The following NLRP6 variants were observed in gnomAD, a reference collection of about 807,000 sequenced individuals.
The protein encoded by NLRP6 is NACHT, LRR and PYD domains-containing protein 6.
Under a neutral mutation model 70.9 loss-of-function variants are expected in NLRP6, and 55 were observed. The ratio of observed to expected loss-of-function variants is 0.78; its 90% CI spans 0.62 to 0.97. The LOEUF (loss-of-function observed/expected upper bound fraction) is 0.97, where lower values mean the gene tolerates loss of function less well. NLRP6 is among the 50% of genes least tolerant of loss of function. The pLI is 0.00. For missense variants in NLRP6, 1,241 were observed against 1,238.3 expected, an observed-to-expected ratio of 1.00 and a Z score of -0.03; for synonymous variants, 652 against 581.9, an observed-to-expected ratio of 1.12 and a Z score of -1.73.
At position 285,355 on chromosome 11, in the gene NLRP6, A is replaced by G. The variant is rs1845543981; in HGVS notation, c.*51A>G. The G allele has an allele frequency of 8.9e-6, 14 of 1,580,760 alleles. No individual in the cohort carries two copies. Among genetic ancestry groups the G allele is most frequent in the Non-Finnish European group, 1.2e-5 (14 of 1,159,186 alleles). On this transcript the variant is annotated 3_prime_UTR_variant, in exon 8 of 8. Coordinates refer to ENST00000534750, the MANE Select transcript of NLRP6 (RefSeq NM_001276700.2). ...AAGACCCTAGTCAAAGTCCCTGTGG[A>G]GAGAACGGCCCATTCCAAGGGCAGG...
In NLRP6 at chr11:280,537, T is replaced by C. The variant is rs762518755; in HGVS notation, c.803T>C (p.Leu268Pro). The C allele has an allele frequency of 2.6e-6, 4 of 1,550,890 alleles. No homozygotes were observed. The South Asian group carries it at 4.7e-5, about 18-fold the overall frequency. Reference protein sequence around the residue: ...PDRGAPVPQMLAQPQRLLFIL... With the variant: ...PDRGAPVPQMPAQPQRLLFIL... ...CGCGGCGCGCCGGTGCCGCAGATGC[T>C]GGCCCAGCCGCAGCGGCTGCTCTTC... Residue 268 changes from leucine (L) to proline (P), a missense_variant, in exon 4 of 8, where the codon CTG becomes CCG. Physicochemically the swap from Leu to Pro is moderately conservative, Grantham distance 98. Coordinates refer to ENST00000534750, the MANE Select transcript of NLRP6 (RefSeq NM_001276700.2).
intron 7 of NLRP6, 115 bp from the exon 8 acceptor site, chr11:285,051 C>G (rs1845538786): frequency 1.1e-6 from 1 of 883,304 alleles, no homozygotes; most frequent in African/African-American, 1.7e-5. Flanking sequence ...GCCCGGCCAC[C>G]CCCACGGCAC....
At chr11:279,270 GC>G in intron 1 of NLRP6, 56 bp from the exon 2 acceptor site, 20 of 1,215,930 alleles carry the variant, frequency 1.6e-5, no homozygotes, top group Admixed American at 4.3e-5. Context: ...AGAGTCGGGG[GC>G]GGGCGGGGGT....
chr11:280,108 A>C lies in NLRP6; in HGVS notation c.374A>C (p.His125Pro). The C allele has an allele frequency of 6.6e-7, 1 of 1,524,116 alleles. No homozygotes were observed. Among genetic ancestry groups the C allele is most frequent in the Non-Finnish European group, 8.8e-7 (1 of 1,136,992 alleles). The allele number at this position is 1,524,116 out of a possible 1,614,324, so 94.4% of individuals were successfully genotyped here. Residue 125 changes from histidine (H) to proline (P), a missense_variant, in exon 4 of 8, where the codon CAC (histidine) becomes CCC (proline). Physicochemically the swap from His to Pro is moderately conservative, Grantham distance 77. Transcript: ENST00000534750. Reference protein sequence around the residue: ...VSEYKKKYREHVLQLHARVKE... With the variant: ...VSEYKKKYREPVLQLHARVKE... ...GAGTACAAGAAGAAGTACCGGGAGC[A>C]CGTGCTGCAGCTGCACGCTCGGGTG...
In NLRP6 at chr11:279,485, A is replaced by G; in HGVS notation, c.188A>G (p.Asp63Gly). The part of the protein sequence containing the change: ...WGRLERADAV[D>G]LAEQLAQFYG... ...CGGCTGGAGCGCGCGGACGCCGTGGACCTCGCGGAGCAGCTGGCCCAGTTC... is the reference window on the plus strand; with the variant it reads ...CGGCTGGAGCGCGCGGACGCCGTGGGCCTCGCGGAGCAGCTGGCCCAGTTC... Residue 63 changes from aspartate (D) to glycine (G), a missense_variant, in exon 2 of 8, where the codon GAC becomes GGC. Coordinates refer to ENST00000534750, the MANE Select transcript of NLRP6 (RefSeq NM_001276700.2). The G allele has an allele frequency of 7.0e-7, 1 of 1,438,662 alleles. No individual in the cohort carries two copies. The highest frequency in any genetic ancestry group is 2.0e-4 in the Middle Eastern group (1 of 4,902). 89.1% of individuals were successfully genotyped at this position (1,438,662 alleles called of 1,614,324 possible). A position where few individuals can be genotyped will look rare whatever the true frequency, so the allele number is the denominator to read the frequency against.
chr11:279,901 G>A lies in NLRP6; in HGVS notation c.349+29G>A. ...GGTCTCTCGCTGGGGGGGCACGAGT[G>A]TCCCCAACCCCACTTGGAGGGTCCC... On this transcript the variant is annotated intron_variant, in intron 3 of 7. Transcript: ENST00000534750. The A allele has an allele frequency of 1.3e-6, 2 of 1,501,254 alleles. 1 individual carries two copies. Among genetic ancestry groups the A allele is most frequent in the South Asian group, 2.7e-5 (2 of 74,814 alleles). 93.0% of individuals were successfully genotyped at this position (1,501,254 alleles called of 1,614,324 possible).
chr11:281,312 T>C lies in NLRP6; in HGVS notation c.1578T>C (p.Val526=). 6.2e-7 allele frequency: 1 copy of C among 1,609,874 alleles called. No homozygotes were observed. Among genetic ancestry groups the C allele is most frequent in the Non-Finnish European group, 8.5e-7 (1 of 1,178,180 alleles). ...TGCCCAGGACCGCGGCTGGCGGCGTTGGGACACTCCTGCGTGGGGACGCCC... is the reference window on the plus strand; with the variant it reads ...TGCCCAGGACCGCGGCTGGCGGCGTCGGGACACTCCTGCGTGGGGACGCCC... ...GGVPRTAAGG[V]GTLLRGDAQP... The change falls in exon 4 of 8, where the codon GTT becomes GTC. Residue 526 remains valine, a synonymous_variant. Transcript: ENST00000534750.
At chr11:285,077 G>C (rs555633365) in intron 7 of NLRP6, 89 bp from the exon 8 acceptor site, 1 of 1,196,794 alleles carries the variant, frequency 8.4e-7, no homozygotes, top group South Asian at 1.4e-5. Context: ...GTCACTGCCC[G>C]CGGCCCGGCT....
Position 280,285 on chromosome 11 carries a change from G to C in NLRP6, c.551G>C (p.Arg184Pro). 1 of 1,505,776 alleles carries C rather than the reference G, an allele frequency of 6.6e-7. No individual in the cohort carries two copies. Among genetic ancestry groups the C allele is most frequent in the Non-Finnish European group, 8.9e-7 (1 of 1,127,978 alleles). The allele number at this position is 1,505,776 out of a possible 1,614,324, so 93.3% of individuals were successfully genotyped here. ...CGCTCGGACACGCACACTTTCAACC[G>C]CCTCTTCCGCCGCGACGAGGAGGGC... is the stretch of plus-strand genomic sequence containing the variant. ...ARRSDTHTFN[R>P]LFRRDEEGRR... The change falls in exon 4 of 8, where the codon CGC becomes CCC. Residue 184 changes from arginine to proline, a missense_variant. Coordinates refer to ENST00000534750, the MANE Select transcript of NLRP6 (RefSeq NM_001276700.2).
chr11:283,460 C>G (rs1308949999), intron 5 of NLRP6, among the ~76,000 whole-genome samples: 2 of 151,924 alleles, frequency 1.3e-5, no homozygotes, highest in African/African-American at 4.8e-5. Context: ...ACTACAGGTG[C>G]CCGCCACTAC....
chr11:280,990 A>C lies in NLRP6; in HGVS notation c.1256A>C (p.Tyr419Ser). 1 of 1,613,114 alleles carries C rather than the reference A, an allele frequency of 6.2e-7. No homozygotes were observed. The highest frequency in any genetic ancestry group is 8.5e-7 in the Non-Finnish European group (1 of 1,179,980). ...SRTSKTTTSV[Y>S]LLFITSVLSS... ...ACGTCCAAGACCACCACGTCAGTGT[A>C]CCTGCTTTTCATCACCAGCGTTCTG... is the stretch of plus-strand genomic sequence containing the variant. The change falls in exon 4 of 8, where the codon TAC becomes TCC. Residue 419 changes from tyrosine (Y) to serine (S), a missense_variant. Tyr to Ser is a moderately radical substitution (Grantham distance 144, BLOSUM62 -2). Coordinates refer to ENST00000534750, the MANE Select transcript of NLRP6 (RefSeq NM_001276700.2).
intron 7 of NLRP6, among the ~76,000 whole-genome samples, chr11:284,909 C>T (rs559339677): frequency 2.6e-5 from 4 of 152,302 alleles, no homozygotes; most frequent in South Asian, 2.1e-4. Flanking sequence ...CCAGTGGCCC[C>T]GATACCCTTT....
chr11:280,539 G>T lies in NLRP6; in HGVS notation c.805G>T (p.Ala269Ser). ...CGGCGCGCCGGTGCCGCAGATGCTG[G>T]CCCAGCCGCAGCGGCTGCTCTTCAT... ...DRGAPVPQML[A>S]QPQRLLFILD... Residue 269 changes from alanine (A) to serine (S), a missense_variant, in exon 4 of 8, where the codon GCC becomes TCC. Ala to Ser is a moderately conservative substitution (Grantham distance 99). Transcript: ENST00000534750. 1 of 1,548,836 alleles carries T rather than the reference G, an allele frequency of 6.5e-7. No individual in the cohort carries two copies.
rs1459577871 is a variant in NLRP6, at chr11:284,368, A to T, written c.2337A>T (p.Leu779=). 7 of 1,603,796 alleles carry T rather than the reference A, an allele frequency of 4.4e-6. No homozygotes were observed. The highest frequency in any genetic ancestry group is 6.0e-6 in the Non-Finnish European group (7 of 1,174,092). The part of the protein sequence containing the change: ...EAGLRMLSEG[L]AWPQCRVQTV... Reference sequence around the variant, plus strand: ...GACTGCGTATGCTGAGTGAGGGCCTAGCCTGGCCGCAGTGCAGGGTGCAGA... The same window carrying T: ...GACTGCGTATGCTGAGTGAGGGCCTTGCCTGGCCGCAGTGCAGGGTGCAGA... Residue 779 remains leucine, a synonymous_variant, in exon 6 of 8, where the codon CTA becomes CTT. Transcript: ENST00000534750.
At position 280,202 on chromosome 11, in the gene NLRP6, C is replaced by T; in HGVS notation, c.468C>T (p.Ser156=). The change falls in exon 4 of 8, where the codon AGC becomes AGT. Residue 156 remains serine, a synonymous_variant. Transcript: ENST00000534750. ...CCAAGCTGCTCATCGCGCCCGAGAG[C>T]GCCGCCCCGGAGGAGGCGATGGGGC... ...RFTKLLIAPE[S]AAPEEAMGPA... is the part of the protein sequence containing the mutation. 2.6e-6 allele frequency: 4 copies of T among 1,546,804 alleles called. No homozygotes were observed. Among genetic ancestry groups the T allele is most frequent in the African/African-American group, 1.4e-5 (1 of 72,578 alleles).
intron 2 of NLRP6, 83 bp downstream of exon 2, chr11:279,690 G>A: frequency 2.5e-5 from 34 of 1,352,088 alleles, no homozygotes; most frequent in Non-Finnish European, 3.2e-5. Flanking sequence ...GCCCCGGCGC[G>A]GTCCCCGGCC....
In NLRP6 at chr11:279,562, G is replaced by A; in HGVS notation, c.265G>A (p.Asp89Asn). 2.1e-6 allele frequency: 3 copies of A among 1,428,196 alleles called. No individual in the cohort carries two copies. Among genetic ancestry groups the A allele is most frequent in the South Asian group, 1.5e-5 (1 of 68,848 alleles). The allele number at this position is 1,428,196 out of a possible 1,614,324, so 88.5% of individuals were successfully genotyped here. ...GGCCCGCAAGACCCTCAAGAGGGCGGACGCGCGCGACGTGGCGGCGCAGCT... is the reference window on the plus strand; with the variant it reads ...GGCCCGCAAGACCCTCAAGAGGGCGAACGCGCGCGACGTGGCGGCGCAGCT... ...EVARKTLKRA[D>N]ARDVAAQLQE... Residue 89 changes from aspartate (D) to asparagine (N), a missense_variant, in exon 2 of 8, where the codon GAC becomes AAC. By Grantham distance (23) the Asp-to-Asn change is conservative. Transcript: ENST00000534750.
chr11:283,942 G>C (rs1364300007), intron 5 of NLRP6, among the ~76,000 whole-genome samples: 1 of 151,974 alleles, frequency 6.6e-6, no homozygotes, highest in Admixed American at 6.5e-5. Flanking sequence ...TAAATAAACT[G>C]AGTTGGCCAC....
intron 2 of NLRP6, 37 bp downstream of exon 2, chr11:279,644 G>A: frequency 7.2e-7 from 1 of 1,382,682 alleles, no homozygotes; most frequent in Non-Finnish European, 9.3e-7. Flanking sequence ...TGTCTGGGCA[G>A]AGGCTGGGCT....
Sources: gnomAD v4.1 joint callset for allele counts (sites outside exome capture counted in the v4.1 genomes callset) on GRCh38, gnomAD v4.1.1 for gene constraint, MANE v1.5 for transcripts, NCBI Gene and HGNC (gene_info 2026-07-23, HGNC 2026-07-21) for gene names.